SPHKAP: variants seen among roughly 807,000 people sequenced by gnomAD.
SPHKAP encodes SPHK1 interactor, AKAP domain containing.
SPHKAP carries 67 observed loss-of-function variants against 137.5 expected under a neutral mutation model. That is an observed-to-expected ratio of 0.49 (90% CI 0.40 to 0.60). SPHKAP has a LOEUF of 0.60. SPHKAP is among the 20% of genes least tolerant of loss of function. SPHKAP has a pLI of 0.00. For synonymous variants in SPHKAP, 813 were observed against 785.3 expected, an observed-to-expected ratio of 1.04 and a Z score of -0.59; for missense variants, 2,097 against 2,069.3, an observed-to-expected ratio of 1.01 and a Z score of -0.26.
chr2:228,129,824 T>G (rs1699193674), intron 2 of SPHKAP, among the ~76,000 whole-genome samples: 2 of 147,970 alleles, frequency 1.4e-5, no homozygotes, highest in African/African-American at 5.0e-5. Flanking sequence ...TGAGACTGAG[T>G]CTTACTCTGC....
intron 2 of SPHKAP, among the ~76,000 whole-genome samples, chr2:228,117,149 C>T (rs933740467): frequency 5.9e-5 from 9 of 152,112 alleles, no homozygotes; most frequent in Non-Finnish European, 1.2e-4. Flanking sequence ...ATTTGTGTCC[C>T]ACACTTTTCT....
chr2:228,144,088 A>T (rs567961401), intron 1 of SPHKAP, among the ~76,000 whole-genome samples: 146 of 152,166 alleles, frequency 9.6e-4, no homozygotes, highest in African/African-American at 3.3e-3. Context: ...ATCTCACTTC[A>T]TTATTTCTTT....
intron 3 of SPHKAP, among the ~76,000 whole-genome samples, chr2:228,066,705 G>C (rs999004955): frequency 1.7e-4 from 26 of 152,318 alleles, no homozygotes; most frequent in Admixed American, 1.3e-3. Flanking sequence ...GCTCATTGCA[G>C]TTTCCATGCA....
intron 1 of SPHKAP, among the ~76,000 whole-genome samples, chr2:228,166,741 T>C (rs190249971): frequency 2.8e-4 from 42 of 152,284 alleles, no homozygotes; most frequent in African/African-American, 8.7e-4. Flanking sequence ...AGCTGAGTGT[T>C]ATTATGGTTA....
At position 228,181,579 on chromosome 2, in the gene SPHKAP, A is replaced by G. The variant is rs1700916966; in HGVS notation, c.20T>C (p.Leu7Pro). 6.2e-7 allele frequency: 1 copy of G among 1,614,146 alleles called. No homozygotes were observed. Among genetic ancestry groups the G allele is most frequent in the Non-Finnish European group, 8.5e-7 (1 of 1,180,012 alleles). The change falls in exon 1 of 12, where the codon CTC becomes CCC. Residue 7 changes from leucine (L) to proline (P), a missense_variant. Transcript: ENST00000392056. This position sits in a 1 kb window ranked among gnomAD's most constrained non-coding sequence, Gnocchi z 4.3. ...AAGCGGGTCTTACCTTGGTACCGAG[A>G]GCAGGGAGTTGCCATCCATTGTTGG... MDGNSL[L>P]SVPSNLESSR...
In SPHKAP at chr2:228,012,280, TGC is replaced by T. The variant is rs1224694442; in HGVS notation, c.4448+4124_4448+4125del. On this transcript the variant is annotated intron_variant, in intron 7 of 11. Coordinates refer to ENST00000392056, the MANE Select transcript of SPHKAP (RefSeq NM_001142644.2). ...CTAAAGCTTATTTGCTTGTCTTCCT[TGC>T]TTGTCTTCCTTTAAAAAAAAAGATC... 3.9e-3 allele frequency among the ~76,000 whole-genome samples: 599 copies of T among 152,034 alleles called. 4 individuals are homozygous for T. The highest frequency in any genetic ancestry group is 0.014 in the African/African-American group (560 of 41,354).
At chr2:228,065,590 TCATTTTCTAGC>T (rs1696798421) in intron 3 of SPHKAP, among the ~76,000 whole-genome samples, 1 of 152,222 alleles carries the variant, frequency 6.6e-6, no homozygotes. Context: ...TTTTTGACAG[TCATTTTCTAGC>T]CATTTCATTG....
intron 3 of SPHKAP, among the ~76,000 whole-genome samples, chr2:228,078,194 C>T (rs1355611063): frequency 6.6e-6 from 1 of 152,056 alleles, no homozygotes; most frequent in Non-Finnish European, 1.5e-5. Context: ...TAAAAGAGAC[C>T]AGCCAATTAA....
intron 2 of SPHKAP, among the ~76,000 whole-genome samples, chr2:228,126,372 A>T (rs1224863600): frequency 6.6e-6 from 1 of 152,106 alleles, no homozygotes; most frequent in Non-Finnish European, 1.5e-5. Context: ...AGAGCTTTGT[A>T]ATAAGTAGAA....
At chr2:228,015,614 T>C (rs142394309) in intron 7 of SPHKAP, among the ~76,000 whole-genome samples, 14 of 152,314 alleles carry the variant, frequency 9.2e-5, no homozygotes, top group Non-Finnish European at 1.8e-4. Context: ...TCAGAGAAAT[T>C]ATTACCTTGC....
At chr2:228,095,904 AC>A (rs374941251) in intron 3 of SPHKAP, among the ~76,000 whole-genome samples, 2 of 152,272 alleles carry the variant, frequency 1.3e-5, no homozygotes, top group East Asian at 3.9e-4. Flanking sequence ...TAATTGAGAA[AC>A]CAGCTGTCAG....
intron 3 of SPHKAP, among the ~76,000 whole-genome samples, chr2:228,031,886 A>C (rs1229147375): frequency 1.3e-5 from 2 of 152,244 alleles, no homozygotes; most frequent in Non-Finnish European, 2.9e-5. Flanking sequence ...CCTTCTGTAC[A>C]TCACCATTAT....
intron 1 of SPHKAP, among the ~76,000 whole-genome samples, chr2:228,154,510 C>CTATATATATATATATA (rs1255951798): frequency 7.7e-4 from 29 of 37,512 alleles, no homozygotes; most frequent in East Asian, 1.3e-3. Context: ...CTCTCTCTCT[C>CTATATATATATATATA]TCTATATATA....
intron 11 of SPHKAP, among the ~76,000 whole-genome samples, chr2:227,984,315 A>AAAG (rs1693130760): frequency 6.6e-6 from 1 of 150,874 alleles, no homozygotes; most frequent in African/African-American, 2.5e-5. Context: ...AAAAAAAAAA[A>AAAG]AAAGAAAGAA....
chr2:228,007,743 C>T (rs1694196092), intron 7 of SPHKAP, among the ~76,000 whole-genome samples: 4 of 152,002 alleles, frequency 2.6e-5, no homozygotes. Context: ...ATAGAGATTC[C>T]AGAAAGAAAC....
intron 3 of SPHKAP, among the ~76,000 whole-genome samples, chr2:228,085,762 G>A (rs2106320275): frequency 6.6e-6 from 1 of 152,164 alleles, no homozygotes; most frequent in South Asian, 2.1e-4. Context: ...ACTAACAAAA[G>A]CACCTTTTGA....
chr2:228,081,776 T>C (rs189236786), intron 3 of SPHKAP, among the ~76,000 whole-genome samples: 24 of 152,296 alleles, frequency 1.6e-4, no homozygotes, highest in African/African-American at 5.5e-4. Context: ...GAATGGTGGT[T>C]ACCAGGGGCT....
At chr2:228,130,691 T>C (rs1179766778) in intron 2 of SPHKAP, among the ~76,000 whole-genome samples, 1 of 152,084 alleles carries the variant, frequency 6.6e-6, no homozygotes, top group Non-Finnish European at 1.5e-5. Context: ...AGTTATAGAG[T>C]TCAACAGAGT....
intron 5 of SPHKAP, among the ~76,000 whole-genome samples, chr2:228,023,028 C>G (rs533248351): frequency 6.6e-6 from 1 of 152,230 alleles, no homozygotes; most frequent in East Asian, 1.9e-4. Flanking sequence ...TAAAGAGGCC[C>G]AAATTATAGA....
Sources: gnomAD v4.1 joint callset for allele counts (sites outside exome capture counted in the v4.1 genomes callset) on GRCh38, gnomAD v4.1.1 for gene constraint, Gnocchi (gnomAD v3.1) non-coding constraint, MANE v1.5 for transcripts, NCBI Gene and HGNC (gene_info 2026-07-23, HGNC 2026-07-21) for gene names.